Variants in GPC5 observed in about 807,000 individuals in gnomAD.
The protein encoded by GPC5 is glypican 5.
A neutral mutation model predicts 53.9 loss-of-function variants in GPC5; 47 were observed. The ratio of observed to expected loss-of-function variants is 0.87; its 90% CI spans 0.69 to 1.11. The LOEUF is 1.11. GPC5 is among the 50% of genes most tolerant of loss of function. The pLI is 0.00. For synonymous variants in GPC5, 286 were observed against 263.3 expected, an observed-to-expected ratio of 1.09 and a Z score of -0.84; for missense variants, 748 against 713.1, an observed-to-expected ratio of 1.05 and a Z score of -0.56.
At chr13:92,310,728 A>G (rs576890220) in intron 7 of GPC5, among the ~76,000 whole-genome samples, 17 of 152,330 alleles carry the variant, frequency 1.1e-4, no homozygotes, top group East Asian at 9.7e-4. Flanking sequence ...TCCTATTTTC[A>G]GTCCTCCCTA....
At chr13:91,442,832 G>A (rs1880531812) in intron 1 of GPC5, among the ~76,000 whole-genome samples, 1 of 152,118 alleles carries the variant, frequency 6.6e-6, no homozygotes, top group Non-Finnish European at 1.5e-5. Flanking sequence ...CAGTTCCTTG[G>A]AGATTAATGG....
In GPC5 at chr13:91,533,610, A is replaced by G. The variant is rs181666959; in HGVS notation, c.325+84688A>G. Reference sequence around the variant, plus strand: ...GATAATGAATAGCAGTGAAAATGCTACACAACAGAACTTACAGAGGAGTCT... The same window carrying G: ...GATAATGAATAGCAGTGAAAATGCTGCACAACAGAACTTACAGAGGAGTCT... On this transcript the variant is annotated intron_variant, in intron 2 of 7. Coordinates refer to ENST00000377067, the MANE Select transcript of GPC5 (RefSeq NM_004466.6). Among the ~76,000 whole-genome samples the G allele has an allele frequency of 3.7e-3, 559 of 152,332 alleles. 3 individuals carry two copies. Among genetic ancestry groups the G allele is most frequent in the Non-Finnish European group, 5.7e-3 (389 of 68,024 alleles).
At chr13:91,455,115 G>A (rs1188442435) in intron 2 of GPC5, among the ~76,000 whole-genome samples, 1 of 151,972 alleles carries the variant, frequency 6.6e-6, no homozygotes, top group Non-Finnish European at 1.5e-5. Context: ...TCATTCTTCT[G>A]TTGATGGATA....
chr13:91,450,785 A>G (rs556775899), intron 2 of GPC5, among the ~76,000 whole-genome samples: 1 of 152,242 alleles, frequency 6.6e-6, no homozygotes, highest in South Asian at 2.1e-4. Context: ...TTTTAATAAT[A>G]AATTATAATT....
chr13:92,786,886 C>T (rs1431560576), intron 7 of GPC5, among the ~76,000 whole-genome samples: 3 of 152,086 alleles, frequency 2.0e-5, no homozygotes, highest in East Asian at 3.9e-4. Context: ...CCAGATACAC[C>T]GCATTCCAGC....
At chr13:91,568,276 A>AT (rs1390234417) in intron 2 of GPC5, among the ~76,000 whole-genome samples, 1 of 152,192 alleles carries the variant, frequency 6.6e-6, no homozygotes, top group Non-Finnish European at 1.5e-5. Flanking sequence ...TGACATGGGA[A>AT]TTTATTAGAA....
rs1471664536 is a variant in GPC5, at chr13:92,053,888, C to T, written c.1402-90942C>T. On this transcript the variant is annotated intron_variant, in intron 6 of 7. Coordinates refer to ENST00000377067, the MANE Select transcript of GPC5 (RefSeq NM_004466.6). ...CTACTAAAAATACAAAAAAATTAGC[C>T]GGTTGTGGTGGGAGGCGCCTGTAAT... Among the ~76,000 whole-genome samples the T allele has an allele frequency of 4.6e-5, 7 of 151,500 alleles. No homozygotes were observed. In the East Asian group the frequency reaches 7.8e-4, roughly 17 times the overall value.
At chr13:92,847,234 A>G (rs953609917) in intron 7 of GPC5, among the ~76,000 whole-genome samples, 4 of 152,170 alleles carry the variant, frequency 2.6e-5, no homozygotes, top group African/African-American at 9.7e-5. Flanking sequence ...TCTGCTTTGC[A>G]AAGAGGTTCT....
intron 6 of GPC5, among the ~76,000 whole-genome samples, chr13:91,972,450 C>T (rs1310739280): frequency 6.6e-6 from 1 of 152,128 alleles, no homozygotes; most frequent in East Asian, 1.9e-4. Flanking sequence ...TTAATTGGAG[C>T]ATTTAGCCCA....
At chr13:91,950,407 A>G (rs1401791047) in intron 6 of GPC5, among the ~76,000 whole-genome samples, 1 of 144,514 alleles carries the variant, frequency 6.9e-6, no homozygotes, top group Non-Finnish European at 1.5e-5. Flanking sequence ...TGGTTTCTAC[A>G]CCAAATGAGC....
intron 7 of GPC5, among the ~76,000 whole-genome samples, chr13:92,807,208 GC>G (rs1333547331): frequency 9.2e-5 from 14 of 152,098 alleles, no homozygotes; most frequent in African/African-American, 3.4e-4. Context: ...TTAACTTTGT[GC>G]AACAGTGGAG....
chr13:92,603,122 C>T (rs1181160842), intron 7 of GPC5, among the ~76,000 whole-genome samples: 1 of 152,208 alleles, frequency 6.6e-6, no homozygotes, highest in African/African-American at 2.4e-5. Flanking sequence ...ATAAATCCCA[C>T]TGTTTGTTTA....
chr13:91,609,688 G>T (rs376326110), intron 2 of GPC5, among the ~76,000 whole-genome samples: 1 of 152,218 alleles, frequency 6.6e-6, no homozygotes, highest in African/African-American at 2.4e-5. Context: ...GCTGGCCAGA[G>T]TGAATGGAAT....
intron 6 of GPC5, among the ~76,000 whole-genome samples, chr13:92,088,372 T>A (rs1186506731): frequency 2.0e-5 from 3 of 152,114 alleles, no homozygotes; most frequent in Non-Finnish European, 2.9e-5. Flanking sequence ...AGAAGGAAGC[T>A]GGATTGGGGG....
intron 2 of GPC5, among the ~76,000 whole-genome samples, chr13:91,504,502 A>T (rs1022502983): frequency 2.0e-5 from 3 of 152,176 alleles, no homozygotes; most frequent in Non-Finnish European, 4.4e-5. Context: ...AATAATAAAG[A>T]ATATAGTTAG....
intron 6 of GPC5, among the ~76,000 whole-genome samples, chr13:91,926,129 A>G (rs2039764960): frequency 6.6e-6 from 1 of 152,040 alleles, no homozygotes; most frequent in Non-Finnish European, 1.5e-5. Flanking sequence ...CTGGGAGGCG[A>G]GGCAGGCGGA....
chr13:91,610,524 G>A (rs942848722), intron 2 of GPC5, among the ~76,000 whole-genome samples: 7 of 152,210 alleles, frequency 4.6e-5, no homozygotes, highest in African/African-American at 1.7e-4. Flanking sequence ...GTTTTGTGGC[G>A]ATATCAGCAT....
chr13:92,466,406 G>T (rs746309200), intron 7 of GPC5, among the ~76,000 whole-genome samples: 22 of 151,970 alleles, frequency 1.4e-4, no homozygotes, highest in Non-Finnish European at 2.5e-4. Context: ...AAGTCATAAA[G>T]ACTCTTGCCT....
At chr13:92,288,763 G>A (rs9523596) in intron 7 of GPC5, among the ~76,000 whole-genome samples, 13,014 of 152,108 alleles carry the variant, frequency 0.086, 620 homozygotes, top group Middle Eastern at 0.12. Flanking sequence ...AGTGATGGTC[G>A]TTTTAAAAAA....
Sources: gnomAD v4.1 joint callset for allele counts (sites outside exome capture counted in the v4.1 genomes callset) on GRCh38, gnomAD v4.1.1 for gene constraint, MANE v1.5 for transcripts, NCBI Gene and HGNC (gene_info 2026-07-23, HGNC 2026-07-21) for gene names.